Variants in VPS13B observed in about 807,000 individuals in gnomAD.
VPS13B encodes vacuolar protein sorting 13 homolog B.
Under a neutral mutation model 426.4 loss-of-function variants are expected in VPS13B, and 285 were observed. That is an observed-to-expected ratio of 0.67 (90% CI 0.61 to 0.74). VPS13B has a LOEUF of 0.74. Ranked by LOEUF, VPS13B falls within the 30% of genes least tolerant of loss-of-function variation. The pLI is 0.00. For synonymous variants in VPS13B, 1,676 were observed against 1,676.4 expected (o/e 1.00, Z 0.01); for missense variants, 4,537 against 4,782.6 (o/e 0.95, Z 1.51).
chr8:99,172,831 A>T (rs1435970703), intron 16 of VPS13B, among the ~76,000 whole-genome samples: 1 of 152,110 alleles, frequency 6.6e-6, no homozygotes, highest in Non-Finnish European at 1.5e-5. Context: ...TTTATGACGT[A>T]CTTTTGGTTT....
At chr8:99,556,150 G>A (rs1824549494) in intron 30 of VPS13B, among the ~76,000 whole-genome samples, 1 of 152,090 alleles carries the variant, frequency 6.6e-6, no homozygotes, top group African/African-American at 2.4e-5. Flanking sequence ...GAACCTCAGA[G>A]CATCTCAGGG....
intron 55 of VPS13B, 70 bp downstream of exon 55, chr8:99,848,964 T>C: frequency 7.3e-7 from 1 of 1,375,054 alleles, no homozygotes; most frequent in East Asian, 2.3e-5. Context: ...ACTTAGTATT[T>C]ATCTTTGTCA....
intron 17 of VPS13B, among the ~76,000 whole-genome samples, chr8:99,221,910 T>C (rs1378403475): frequency 3.3e-5 from 5 of 152,224 alleles, no homozygotes; most frequent in Non-Finnish European, 5.9e-5. Context: ...TCTTTTCTTT[T>C]AGAGACTCAG....
At chr8:99,210,318 A>G (rs890303656) in intron 17 of VPS13B, among the ~76,000 whole-genome samples, 6 of 152,154 alleles carry the variant, frequency 3.9e-5, no homozygotes, top group African/African-American at 1.4e-4. Context: ...TGTGGCATAC[A>G]GTTCTTTTAT....
At chr8:99,409,928 A>G (rs1815539749) in intron 21 of VPS13B, among the ~76,000 whole-genome samples, 1 of 152,172 alleles carries the variant, frequency 6.6e-6, no homozygotes, top group African/African-American at 2.4e-5. Flanking sequence ...TCAGGAATGG[A>G]AAACCAAATA....
intron 3 of VPS13B, among the ~76,000 whole-genome samples, chr8:99,065,277 A>C (rs921075729): frequency 6.6e-6 from 1 of 152,230 alleles, no homozygotes; most frequent in Non-Finnish European, 1.5e-5. Flanking sequence ...AATACTGGCA[A>C]ACCAAATCCA....
In VPS13B at chr8:99,605,804, A is replaced by G. The variant is rs186662030; in HGVS notation, c.5220+28171A>G. 4.1e-4 allele frequency among the ~76,000 whole-genome samples: 62 copies of G among 152,304 alleles called. No homozygotes were observed. The East Asian group carries it at 0.011, about 27-fold the overall frequency. On this transcript the variant is annotated intron_variant, in intron 33 of 61. Coordinates refer to ENST00000357162, the MANE Select transcript of VPS13B (RefSeq NM_152564.5). The stretch of plus-strand genomic sequence containing the variant: ...GAAGTTGGTCCTTTTTAAAAAGAAT[A>G]CAAATTATAATTACAAAATTAGGTT...
rs143059188 is a variant in VPS13B, at chr8:99,787,880, T to C, written c.7941+3404T>C. Among the ~76,000 whole-genome samples, 944 of 152,230 alleles carry C rather than the reference T, an allele frequency of 6.2e-3. 8 individuals are homozygous for C. The highest frequency in any genetic ancestry group is 0.021 in the African/African-American group (886 of 41,550). The stretch of plus-strand genomic sequence containing the variant: ...ACTTGCTTTTAGCCTCAAACATGTA[T>C]AATTTATGGGTTATGCATTTTTTTC... On this transcript the variant is annotated intron_variant, in intron 43 of 61. Coordinates refer to ENST00000357162, the MANE Select transcript of VPS13B (RefSeq NM_152564.5).
chr8:99,171,629 TA>T (rs1280131159), intron 16 of VPS13B, among the ~76,000 whole-genome samples: 1 of 152,058 alleles, frequency 6.6e-6, no homozygotes, highest in Non-Finnish European at 1.5e-5. Flanking sequence ...ATATTCCAAT[TA>T]AATACTGAAA....
At chr8:99,832,268 A>G in intron 51 of VPS13B, 101 bp from the exon 52 acceptor site, 1 of 1,416,052 alleles carries the variant, frequency 7.1e-7, no homozygotes, top group Non-Finnish European at 9.3e-7. Context: ...TCAAAAAAAA[A>G]AAAGAAAAGA....
chr8:99,540,059 A>G (rs1452229234), intron 30 of VPS13B, among the ~76,000 whole-genome samples: 1 of 5,596 alleles, frequency 1.8e-4, no homozygotes, highest in Non-Finnish European at 3.0e-4. Context: ...ATATATATAT[A>G]TATATTTTTT....
chr8:99,031,169 T>G (rs1442995497), intron 2 of VPS13B, among the ~76,000 whole-genome samples: 1 of 152,144 alleles, frequency 6.6e-6, no homozygotes, highest in Non-Finnish European at 1.5e-5. Flanking sequence ...CTTGATCTAG[T>G]GTATTGCCGA....
At chr8:99,709,561 T>C (rs988994497) in intron 36 of VPS13B, among the ~76,000 whole-genome samples, 3 of 152,228 alleles carry the variant, frequency 2.0e-5, no homozygotes, top group African/African-American at 7.2e-5. Flanking sequence ...TATTTCTCAA[T>C]GTTGCTACAC....
chr8:99,166,570 AGAAAC>A (rs1812016512), intron 15 of VPS13B, among the ~76,000 whole-genome samples: 1 of 152,220 alleles, frequency 6.6e-6, no homozygotes, highest in African/African-American at 2.4e-5. Context: ...CAGAGCTGAA[AGAAAC>A]GAAGATATAC....
intron 30 of VPS13B, among the ~76,000 whole-genome samples, chr8:99,525,822 C>G (rs1822610390): frequency 6.6e-6 from 1 of 152,158 alleles, no homozygotes; most frequent in South Asian, 2.1e-4. Flanking sequence ...TAGAGATGGA[C>G]AGCATGGCTT....
intron 13 of VPS13B, among the ~76,000 whole-genome samples, chr8:99,144,947 G>A (rs529465004): frequency 6.6e-5 from 10 of 152,312 alleles, no homozygotes; most frequent in African/African-American, 2.4e-4. Context: ...TTTCTCTGAA[G>A]TTTATATGTG....
chr8:99,047,764 T>C (rs1291024936), intron 3 of VPS13B, among the ~76,000 whole-genome samples: 2 of 152,316 alleles, frequency 1.3e-5, no homozygotes, highest in Middle Eastern at 3.4e-3. Flanking sequence ...CTTGGCTCAC[T>C]GCAACCTGCT....
At chr8:99,625,059 A>G (rs1342373543) in intron 33 of VPS13B, among the ~76,000 whole-genome samples, 2 of 152,052 alleles carry the variant, frequency 1.3e-5, no homozygotes, top group East Asian at 1.9e-4. Flanking sequence ...TCCCAACCTC[A>G]GGTGATCCAC....
Position 99,819,999 on chromosome 8 carries a change from G to A in VPS13B, c.8871G>A (p.Leu2957=). 6.2e-7 allele frequency: 1 copy of A among 1,614,004 alleles called. No individual in the cohort carries two copies. The highest frequency in any genetic ancestry group is 8.5e-7 in the Non-Finnish European group (1 of 1,179,916). The change falls in exon 49 of 62, where the codon TTG becomes TTA. Residue 2957 remains leucine (L), a synonymous_variant. Transcript: ENST00000357162. ...SIWKPYVRTL[L]IELLPWALLI... is the part of the protein sequence containing the mutation. ...GGAAGCCATATGTTAGAACTTTGTT[G>A]ATAGAACTTCTGCCCTGGGCCCTGC...
Sources: allele counts gnomAD v4.1 joint callset (sites outside exome capture counted in the v4.1 genomes callset), GRCh38; gene constraint gnomAD v4.1.1; transcripts MANE v1.5; gene names NCBI Gene and HGNC (gene_info 2026-07-23, HGNC 2026-07-21).